FAM200C: variants seen among roughly 807,000 people sequenced by gnomAD.
At chr5:160,396,705 A>G in the FAM200C span, among the ~76,000 whole-genome samples, 1 of 151,500 alleles carries the variant, frequency 6.6e-6, no homozygotes, top group East Asian at 1.9e-4. Flanking sequence ...GTGGAAAAAA[A>G]AAAAAAAAAA....
chr5:160,393,516 A>G, the FAM200C span: 6 of 592,390 alleles, frequency 1.0e-5, no homozygotes, highest in East Asian at 2.8e-5. Flanking sequence ...GCAACTAGGC[A>G]GTAGTACTTA....
the FAM200C span, chr5:160,393,828 T>C: frequency 6.2e-7 from 1 of 1,612,666 alleles, no homozygotes; most frequent in East Asian, 2.2e-5. Context: ...GACTTTGTTT[T>C]GAAATGTAAA....
chr5:160,396,401 C>T, the FAM200C span, among the ~76,000 whole-genome samples: 1 of 152,144 alleles, frequency 6.6e-6, no homozygotes, highest in Non-Finnish European at 1.5e-5. Flanking sequence ...TGGCTCAGAG[C>T]TTCCTTGCTG....
the FAM200C span, chr5:160,395,085 G>A: frequency 6.2e-7 from 1 of 1,614,064 alleles, no homozygotes; most frequent in South Asian, 1.1e-5. Context: ...ACCTGCTGAA[G>A]CTTTTTTTGT....
the FAM200C span, among the ~76,000 whole-genome samples, chr5:160,398,440 T>C: frequency 3.7e-4 from 56 of 151,842 alleles, no homozygotes; most frequent in African/African-American, 1.3e-3. Context: ...GAGAGGCTGA[T>C]GCAGGAGAAT....
the FAM200C span, among the ~76,000 whole-genome samples, chr5:160,397,259 A>T: frequency 6.6e-6 from 1 of 152,202 alleles, no homozygotes; most frequent in Non-Finnish European, 1.5e-5. Flanking sequence ...CTTAGCTAAC[A>T]AATATTCTAG....
the FAM200C span, chr5:160,394,125 T>G: frequency 6.2e-7 from 1 of 1,613,662 alleles, no homozygotes; most frequent in Non-Finnish European, 8.5e-7. Flanking sequence ...TGGAAGAAGT[T>G]GCTCAATTGT....
the FAM200C span, chr5:160,394,946 A>T: frequency 6.2e-7 from 1 of 1,613,526 alleles, no homozygotes. Flanking sequence ...GCAGTCATCC[A>T]TGTCAGTTGT....
the FAM200C span, chr5:160,394,582 C>T: frequency 1.2e-6 from 2 of 1,614,150 alleles, no homozygotes; most frequent in Non-Finnish European, 8.5e-7. Context: ...TTGGAGCTCT[C>T]CCTTTGATGA....
the FAM200C span, among the ~76,000 whole-genome samples, chr5:160,397,740 A>C: frequency 6.6e-6 from 1 of 152,232 alleles, no homozygotes; most frequent in Non-Finnish European, 1.5e-5. Flanking sequence ...GACAACCTGA[A>C]GTTTAAAGAG....
At chr5:160,396,582 CT>C in the FAM200C span, among the ~76,000 whole-genome samples, 1 of 151,306 alleles carries the variant, frequency 6.6e-6, no homozygotes, top group Admixed American at 6.6e-5. Flanking sequence ...GAAACCCCAT[CT>C]CTACTAAAAA....
the FAM200C span, chr5:160,393,594 A>C: frequency 2.4e-6 from 2 of 829,850 alleles, no homozygotes; most frequent in Non-Finnish European, 3.7e-6. Context: ...TAAAGTTCTT[A>C]AGTTTTTTAG....
At chr5:160,396,697 G>GAAAAAAAAAAA in the FAM200C span, among the ~76,000 whole-genome samples, 1 of 49,264 alleles carries the variant, frequency 2.0e-5, no homozygotes, top group Admixed American at 2.2e-4. Flanking sequence ...AAGTCTCTGT[G>GAAAAAAAAAAA]GAAAAAAAAA....
At chr5:160,398,432 G>A in the FAM200C span, among the ~76,000 whole-genome samples, 2 of 152,166 alleles carry the variant, frequency 1.3e-5, no homozygotes, top group Non-Finnish European at 2.9e-5. Flanking sequence ...AGCTACTGGA[G>A]AGGCTGATGC....
the FAM200C span, chr5:160,394,252 T>G: frequency 6.2e-7 from 1 of 1,613,176 alleles, no homozygotes; most frequent in Admixed American, 1.7e-5. Context: ...TTTGCCAAAA[T>G]GGAAACTTCC....
At chr5:160,394,286 C>A in the FAM200C span, 1 of 1,613,746 alleles carries the variant, frequency 6.2e-7, no homozygotes, top group Non-Finnish European at 8.5e-7. Flanking sequence ...TAACTTCTCT[C>A]TAGCTGATAC....
the FAM200C span, among the ~76,000 whole-genome samples, chr5:160,398,853 A>G: frequency 6.6e-6 from 1 of 152,238 alleles, no homozygotes; most frequent in Non-Finnish European, 1.5e-5. Context: ...CATCATGATA[A>G]GGAGATATTG....
the FAM200C span, chr5:160,393,586 A>C: frequency 2.6e-6 from 2 of 768,782 alleles, no homozygotes; most frequent in Middle Eastern, 3.3e-4. Flanking sequence ...TTCAAAATTA[A>C]AGTTCTTAAG....
At chr5:160,393,225 A>G in the FAM200C span, 1 of 154,302 alleles carries the variant, frequency 6.5e-6, no homozygotes. Flanking sequence ...GACTAACTCC[A>G]AAGAGTATAT....
Sources: gnomAD v4.1 joint callset for allele counts (sites outside exome capture counted in the v4.1 genomes callset) on GRCh38, gnomAD v4.1.1 for gene constraint, MANE v1.5 for transcripts.